The following ANXA8 variants were observed in gnomAD, a reference collection of about 807,000 sequenced individuals.
ANXA8 encodes the protein annexin A8.
In ANXA8, 9 loss-of-function variants were observed where a neutral mutation model predicts 26.8. The ratio of observed to expected loss-of-function variants is 0.34; its 90% CI spans 0.20 to 0.59. ANXA8 has a LOEUF of 0.59. Ranked by LOEUF, ANXA8 falls within the 20% of genes least tolerant of loss-of-function variation. ANXA8 has a pLI of 0.84. For missense variants in ANXA8, 83 were observed against 238.5 expected (o/e 0.35, Z 4.29); for synonymous variants, 39 against 94.8 (o/e 0.41, Z 3.42).
the ANXA8 span, among the ~76,000 whole-genome samples, chr10:47,557,370 A>C: frequency 6.6e-6 from 1 of 151,576 alleles, no homozygotes; most frequent in African/African-American, 2.4e-5. Flanking sequence ...TGAATGTCTG[A>C]ATTTTTATCT....
chr10:47,593,157 C>G, the ANXA8 span, among the ~76,000 whole-genome samples: 3 of 145,624 alleles, frequency 2.1e-5, no homozygotes, highest in Non-Finnish European at 4.4e-5. Flanking sequence ...TGCAGACATA[C>G]CCTAAAACCT....
the ANXA8 span, among the ~76,000 whole-genome samples, chr10:47,767,392 C>A: frequency 6.6e-6 from 1 of 152,242 alleles, no homozygotes; most frequent in African/African-American, 2.4e-5. Context: ...TGTGTCTCCT[C>A]CTGCAGACAG....
chr10:47,947,865 T>A, the ANXA8 span, among the ~76,000 whole-genome samples: 2 of 150,710 alleles, frequency 1.3e-5, no homozygotes, highest in Non-Finnish European at 2.9e-5. Flanking sequence ...AGGTTGTGGA[T>A]GTCTATCATG....
chr10:47,948,562 A>C, the ANXA8 span, among the ~76,000 whole-genome samples: 2 of 146,050 alleles, frequency 1.4e-5, no homozygotes. Flanking sequence ...ACTAAAATTC[A>C]GTCAAAAGAG....
the ANXA8 span, among the ~76,000 whole-genome samples, chr10:47,636,814 G>A: frequency 6.6e-6 from 1 of 151,914 alleles, no homozygotes; most frequent in African/African-American, 2.4e-5. Context: ...CTGACTGTGG[G>A]TTTCCAGTTT....
the ANXA8 span, among the ~76,000 whole-genome samples, chr10:47,733,221 C>G: frequency 1.7e-5 from 1 of 58,190 alleles, no homozygotes; most frequent in Non-Finnish European, 3.6e-5. Context: ...TTCTTTCTTT[C>G]TCTTTCTTTC....
the ANXA8 span, among the ~76,000 whole-genome samples, chr10:47,975,367 C>A: frequency 1.3e-5 from 2 of 148,642 alleles, no homozygotes; most frequent in Non-Finnish European, 3.0e-5. Context: ...CACTGGGCAA[C>A]CCTAACCTCT....
the ANXA8 span, among the ~76,000 whole-genome samples, chr10:47,589,891 AAGATAGATAGATGAT>A: frequency 2.0e-4 from 26 of 131,184 alleles, 3 homozygotes; most frequent in African/African-American, 9.0e-4. Flanking sequence ...GGGAAGGGGA[AAGATAGATAGATGAT>A]AGATAGATAG....
the ANXA8 span, among the ~76,000 whole-genome samples, chr10:47,744,414 G>GGGGGGGGTGGGGGGGGAGGGGGGAA: frequency 2.3e-5 from 1 of 42,974 alleles, no homozygotes; most frequent in African/African-American, 9.3e-5. Context: ...CTCCTGGTGG[G>GGGGGGGGTGGGGGGGGAGGGGGGAA]GGGGGGGTTG....
chr10:47,941,274 T>A, the ANXA8 span, among the ~76,000 whole-genome samples: 2 of 146,424 alleles, frequency 1.4e-5, no homozygotes, highest in African/African-American at 5.3e-5. Flanking sequence ...AGAGGACCAG[T>A]ACCTAGAACC....
the ANXA8 span, among the ~76,000 whole-genome samples, chr10:47,685,531 C>T: frequency 4.0e-5 from 6 of 151,748 alleles, no homozygotes; most frequent in African/African-American, 1.5e-4. Flanking sequence ...TGAATCTCAC[C>T]TTTGATTCTA....
At chr10:47,973,910 G>C in the ANXA8 span, among the ~76,000 whole-genome samples, 107 of 151,234 alleles carry the variant, frequency 7.1e-4, 2 homozygotes, top group East Asian at 0.019. Context: ...TTTTGTTGTT[G>C]TCGTTGGTAG....
the ANXA8 span, among the ~76,000 whole-genome samples, chr10:47,533,230 C>CACACAT: frequency 7.1e-6 from 1 of 141,360 alleles, no homozygotes; most frequent in African/African-American, 2.7e-5. Flanking sequence ...CACACCCCCG[C>CACACAT]AGACACCCTA....
At chr10:47,501,663 C>T in the ANXA8 span, among the ~76,000 whole-genome samples, 1 of 141,136 alleles carries the variant, frequency 7.1e-6, no homozygotes, top group Non-Finnish European at 1.5e-5. Flanking sequence ...GAGCAGATAT[C>T]ATGCCACTGC....
chr10:47,654,103 A>G, the ANXA8 span, among the ~76,000 whole-genome samples: 1 of 151,890 alleles, frequency 6.6e-6, no homozygotes, highest in South Asian at 2.1e-4. Context: ...AAGCTTGAAT[A>G]ATGATAAGCA....
chr10:47,563,830 A>T, the ANXA8 span: 1 of 614,374 alleles, frequency 1.6e-6, no homozygotes, highest in Non-Finnish European at 2.9e-6. Context: ...ATCATTTCTC[A>T]ATTACTCTAA....
the ANXA8 span, among the ~76,000 whole-genome samples, chr10:47,637,437 T>C: frequency 6.7e-6 from 1 of 150,094 alleles, no homozygotes; most frequent in Admixed American, 6.6e-5. Context: ...TACTGTAACA[T>C]CCTTTGTATC....
chr10:47,587,714 G>A, the ANXA8 span, among the ~76,000 whole-genome samples: 1 of 146,660 alleles, frequency 6.8e-6, no homozygotes, highest in Admixed American at 6.6e-5. Flanking sequence ...CATTTGTGAG[G>A]TATTTCATGG....
the ANXA8 span, chr10:47,920,725 T>C: frequency 1.4e-5 from 2 of 142,928 alleles, no homozygotes; most frequent in Non-Finnish European, 3.1e-5. Context: ...CATAGTCTAC[T>C]TGTTAAATAC....
Sources: allele counts gnomAD v4.1 joint callset (sites outside exome capture counted in the v4.1 genomes callset), GRCh38; gene constraint gnomAD v4.1.1; transcripts MANE v1.5; gene names NCBI Gene and HGNC (gene_info 2026-07-23, HGNC 2026-07-21).